Variants in CRADD observed in about 807,000 individuals in gnomAD.
The protein encoded by CRADD is CARD and death domain containing adaptor protein, also known as death domain-containing protein CRADD.
Under a neutral mutation model 15.5 loss-of-function variants are expected in CRADD, and 9 were observed. The ratio of observed to expected loss-of-function variants is 0.58; its 90% CI spans 0.35 to 1.01. The LOEUF is 1.01. CRADD is among the 50% of genes least tolerant of loss of function. The pLI is 0.02. For synonymous variants in CRADD, 118 were observed against 107.6 expected (o/e 1.10, Z -0.60); for missense variants, 227 against 250.3 (o/e 0.91, Z 0.63).
rs916896625 is a variant in CRADD, at chr12:93,679,362, G to C, written c.298+290G>C. Among the ~76,000 whole-genome samples, 23 of 152,052 alleles carry C rather than the reference G, an allele frequency of 1.5e-4. 1 individual carries two copies. The highest frequency in any genetic ancestry group is 5.6e-4 in the African/African-American group (23 of 41,414). On this transcript the variant is annotated intron_variant, in intron 2 of 2. Transcript: ENST00000332896. ...TCATCATGTTGGCCAGGCTGGTCTC[G>C]AACTCCGTACCTCAGGTGATCCACC...
intron 2 of CRADD, among the ~76,000 whole-genome samples, chr12:93,697,740 GGACA>G (rs1955745352): frequency 6.6e-6 from 1 of 152,000 alleles, no homozygotes; most frequent in Admixed American, 6.6e-5. Context: ...TTATACCAAA[GGACA>G]GATAAACAAG....
At chr12:93,793,963 G>A (rs1327698165) in intron 2 of CRADD, among the ~76,000 whole-genome samples, 6 of 152,090 alleles carry the variant, frequency 3.9e-5, no homozygotes, top group African/African-American at 1.2e-4. Context: ...TCACTTGGCT[G>A]TCCTCCCCAC....
chr12:93,779,898 T>G (rs750048732), intron 2 of CRADD, among the ~76,000 whole-genome samples: 5 of 152,188 alleles, frequency 3.3e-5, no homozygotes, highest in Non-Finnish European at 7.4e-5. Context: ...CCAGGAACCA[T>G]TTTAAGATCA....
intron 2 of CRADD, chr12:93,859,204 G>A (rs917425899): frequency 2.4e-6 from 1 of 425,308 alleles, no homozygotes; most frequent in Non-Finnish European, 4.7e-6. Context: ...ATATTTTTAG[G>A]GTTAATGTAA....
At chr12:93,677,869 CGTACTGCCCGGGTG>C (rs1955195606) in intron 1 of CRADD, 1 of 152,056 alleles carries the variant, frequency 6.6e-6, no homozygotes, top group African/African-American at 2.4e-5. Context: ...TAGCCGTGGT[CGTACTGCCCGGGTG>C]TGTCTGAAGC....
At chr12:93,704,925 G>T (rs1300034252) in intron 2 of CRADD, among the ~76,000 whole-genome samples, 1 of 152,150 alleles carries the variant, frequency 6.6e-6, no homozygotes, top group Non-Finnish European at 1.5e-5. Flanking sequence ...CTAATAAGTG[G>T]CTCCCTCTGG....
chr12:93,818,340 G>A (rs1221569022), intron 2 of CRADD, among the ~76,000 whole-genome samples: 1 of 152,148 alleles, frequency 6.6e-6, no homozygotes, highest in Non-Finnish European at 1.5e-5. Context: ...CTAGTGAAAA[G>A]GCAGCCTCTC....
intron 2 of CRADD, among the ~76,000 whole-genome samples, chr12:93,735,948 G>T (rs2136920413): frequency 6.6e-6 from 1 of 151,864 alleles, no homozygotes; most frequent in Non-Finnish European, 1.5e-5. Context: ...TTTCCATCTA[G>T]TAGGAGGCCG....
intron 2 of CRADD, among the ~76,000 whole-genome samples, chr12:93,683,654 C>G (rs937375384): frequency 6.6e-6 from 1 of 152,212 alleles, no homozygotes; most frequent in African/African-American, 2.4e-5. Context: ...CTCTGCCTGC[C>G]CCTTGTGGCG....
intron 2 of CRADD, among the ~76,000 whole-genome samples, chr12:93,859,025 G>C (rs1290411152): frequency 6.6e-6 from 1 of 152,128 alleles, no homozygotes; most frequent in African/African-American, 2.4e-5. Flanking sequence ...CGTTCTGAAG[G>C]CTCACCTGTC....
intron 2 of CRADD, among the ~76,000 whole-genome samples, chr12:93,747,649 G>T (rs780855285): frequency 6.6e-6 from 1 of 152,090 alleles, no homozygotes; most frequent in Non-Finnish European, 1.5e-5. Flanking sequence ...TGTATTTTTA[G>T]TAGAGACAGG....
chr12:93,704,807 C>G (rs1451001563), intron 2 of CRADD, among the ~76,000 whole-genome samples: 3 of 152,182 alleles, frequency 2.0e-5, no homozygotes, highest in Non-Finnish European at 4.4e-5. Context: ...TGTAGCCCAG[C>G]ACAGGCCTCC....
rs150223830 is a variant in CRADD at position 93,778,514 on chromosome 12, A to G, written c.299-71456A>G. ...TAGAGATTTTACTTTGTTTATGTCA[A>G]TGTCAAGGCCTTTGGGAAAACTTTG... On this transcript the variant is annotated intron_variant, in intron 2 of 2. Transcript: ENST00000332896. 2.1e-3 allele frequency among the ~76,000 whole-genome samples: 325 copies of G among 152,322 alleles called. 2 individuals are homozygous for G. The highest frequency in any genetic ancestry group is 7.5e-3 in the African/African-American group (312 of 41,576).
At position 93,747,281 on chromosome 12, in the gene CRADD, C is replaced by G. The variant is rs80174798; in HGVS notation, c.298+68209C>G. ...AGCAGAAAAGGACCTCCTCTGTAAC[C>G]CAGGAGAGAGAGGGCTCTTGTCAGG... On this transcript the variant is annotated intron_variant, in intron 2 of 2. Coordinates refer to ENST00000332896, the MANE Select transcript of CRADD (RefSeq NM_003805.5). Among the ~76,000 whole-genome samples, 1,367 of 152,140 alleles carry G rather than the reference C, an allele frequency of 9.0e-3. 20 individuals are homozygous for G. The highest frequency in any genetic ancestry group is 0.031 in the African/African-American group (1,292 of 41,484).
intron 2 of CRADD, among the ~76,000 whole-genome samples, chr12:93,753,219 C>G (rs1229239983): frequency 6.6e-6 from 1 of 151,976 alleles, no homozygotes; most frequent in African/African-American, 2.4e-5. Flanking sequence ...GAGACTTATT[C>G]ACACTATCAA....
intron 2 of CRADD, among the ~76,000 whole-genome samples, chr12:93,881,242 T>G (rs12578141): frequency 6.6e-6 from 1 of 152,026 alleles, no homozygotes; most frequent in African/African-American, 2.4e-5. Flanking sequence ...TAAGAAAGAC[T>G]GAGTCCTCTC....
At chr12:93,810,551 C>CAAAAAAAAAAAAAAA (rs56689824) in intron 2 of CRADD, among the ~76,000 whole-genome samples, 6 of 39,070 alleles carry the variant, frequency 1.5e-4, no homozygotes, top group Non-Finnish European at 2.3e-4. Context: ...AAATCAGTCT[C>CAAAAAAAAAAAAAAA]AAAAAAAAAA....
At chr12:93,714,778 A>C (rs61928991) in intron 2 of CRADD, 22,160 of 152,236 alleles carry the variant, frequency 0.15, 2,966 homozygotes, top group African/African-American at 0.36. Flanking sequence ...TTGGGAAAAG[A>C]AGTAGTCTTT....
At chr12:93,879,994 A>G (rs997250078) in intron 2 of CRADD, among the ~76,000 whole-genome samples, 10 of 152,222 alleles carry the variant, frequency 6.6e-5, no homozygotes, top group African/African-American at 2.2e-4. Flanking sequence ...CAAGGCAGAA[A>G]TAATACAGTA....
Sources: gnomAD v4.1 joint callset for allele counts (sites outside exome capture counted in the v4.1 genomes callset) on GRCh38, gnomAD v4.1.1 for gene constraint, MANE v1.5 for transcripts, NCBI Gene and HGNC (gene_info 2026-07-23, HGNC 2026-07-21) for gene names.